The following HECW1 variants were observed in gnomAD, a reference collection of about 807,000 sequenced individuals.
HECW1 encodes E3 ubiquitin-protein ligase HECW1.
HECW1 carries 61 observed loss-of-function variants against 182.3 expected under a neutral mutation model. That is an observed-to-expected ratio of 0.33 (90% CI 0.27 to 0.41). The LOEUF (loss-of-function observed/expected upper bound fraction) is 0.41. Ranked by LOEUF, HECW1 falls within the 10% of genes least tolerant of loss-of-function variation. HECW1 has a pLI of 1.00. For synonymous variants in HECW1, 859 were observed against 832.6 expected, an observed-to-expected ratio of 1.03 and a Z score of -0.55; for missense variants, 1,739 against 2,108.9, an observed-to-expected ratio of 0.82 and a Z score of 3.44.
chr7:43,142,145 C>G (rs1261051762), intron 2 of HECW1, among the ~76,000 whole-genome samples: 1 of 152,030 alleles, frequency 6.6e-6, no homozygotes, highest in African/African-American at 2.4e-5. Context: ...GTGTGGGATG[C>G]CTGTTTTTGT....
In HECW1 at chr7:43,508,052, A is replaced by T. The variant is rs749379715; in HGVS notation, c.3787A>T (p.Thr1263Ser). The change falls in exon 23 of 30, where the codon ACC becomes TCC. Residue 1263 changes from threonine to serine, a missense_variant. Thr to Ser is a moderately conservative substitution (Grantham distance 58). Coordinates refer to ENST00000395891, the MANE Select transcript of HECW1 (RefSeq NM_015052.5). The stretch of plus-strand genomic sequence containing the variant: ...TCGCCGGGATCATTTGTTGGAGGGA[A>T]CCTTCAATCAGGTGATGGCCTATTC... ...IIRRDHLLEG[T>S]FNQVMAYSRK... The T allele has an allele frequency of 2.5e-6, 4 of 1,613,810 alleles. No individual in the cohort carries two copies. The African/African-American group carries it at 5.3e-5, about 22-fold the overall frequency.
rs752553519 is a variant in HECW1, at chr7:43,442,522, C to T, written c.945-7C>T. ...CCAGAACTGTGATGGTGCTTATTTC[C>T]TTCTAGGGATAGGGTGGTCAGCTAC... On this transcript the variant is annotated splice_polypyrimidine_tract_variant and splice_region_variant and intron_variant, in intron 9 of 29. Coordinates refer to ENST00000395891, the MANE Select transcript of HECW1 (RefSeq NM_015052.5). 6.2e-6 allele frequency: 10 copies of T among 1,602,306 alleles called. No homozygotes were observed. The highest frequency in any genetic ancestry group is 7.7e-6 in the Non-Finnish European group (9 of 1,169,834).
chr7:43,190,293 T>C (rs1793790566), intron 2 of HECW1, among the ~76,000 whole-genome samples: 1 of 152,166 alleles, frequency 6.6e-6, no homozygotes, highest in Non-Finnish European at 1.5e-5. Context: ...TTTGTGTTTT[T>C]AGTAGAGATG....
At chr7:43,402,301 C>G (rs1424410980) in intron 7 of HECW1, among the ~76,000 whole-genome samples, 1 of 152,164 alleles carries the variant, frequency 6.6e-6, no homozygotes, top group Non-Finnish European at 1.5e-5. Context: ...AGACACCCTC[C>G]CCTAGATGCT....
intron 2 of HECW1, among the ~76,000 whole-genome samples, chr7:43,205,325 G>A (rs1036240649): frequency 2.0e-5 from 3 of 152,024 alleles, no homozygotes; most frequent in African/African-American, 2.4e-5. Context: ...CGTCATGATC[G>A]GCCCGCCTTG....
intron 3 of HECW1, among the ~76,000 whole-genome samples, chr7:43,254,107 C>T (rs1473386494): frequency 6.6e-6 from 1 of 152,126 alleles, no homozygotes; most frequent in East Asian, 1.9e-4. Context: ...GGAAATTTTC[C>T]AGGCAAATCT....
chr7:43,280,854 T>G (rs1803805742), intron 3 of HECW1, among the ~76,000 whole-genome samples: 1 of 152,056 alleles, frequency 6.6e-6, no homozygotes, highest in South Asian at 2.1e-4. Flanking sequence ...TAGGAGCAAA[T>G]GGGTTTGAGG....
chr7:43,460,779 G>A (rs1441594697), intron 13 of HECW1, among the ~76,000 whole-genome samples: 3 of 152,160 alleles, frequency 2.0e-5, no homozygotes, highest in Non-Finnish European at 4.4e-5. Context: ...GAAAGACTGA[G>A]AGACCCTCCT....
intron 3 of HECW1, among the ~76,000 whole-genome samples, chr7:43,260,398 G>A (rs1487738224): frequency 6.6e-6 from 1 of 152,158 alleles, no homozygotes; most frequent in East Asian, 1.9e-4. Context: ...AAAGTGGCAA[G>A]ATAGGTGCAA....
intron 2 of HECW1, among the ~76,000 whole-genome samples, chr7:43,211,385 C>A (rs753008356): frequency 6.6e-6 from 1 of 152,188 alleles, no homozygotes; most frequent in East Asian, 1.9e-4. Flanking sequence ...ATGAATGAAA[C>A]GGTTCTGTAA....
chr7:43,330,974 T>C (rs1811391463), intron 5 of HECW1, among the ~76,000 whole-genome samples: 2 of 152,016 alleles, frequency 1.3e-5, no homozygotes, highest in Admixed American at 1.3e-4. Context: ...TTTATTTATT[T>C]ATTTATTTAT....
At chr7:43,306,243 A>G (rs1423012897) in intron 3 of HECW1, among the ~76,000 whole-genome samples, 1 of 152,194 alleles carries the variant, frequency 6.6e-6, no homozygotes, top group East Asian at 1.9e-4. Context: ...GCATAGAGCA[A>G]ATGCTCAGAA....
intron 6 of HECW1, among the ~76,000 whole-genome samples, chr7:43,384,009 G>C (rs1181811932): frequency 3.3e-5 from 5 of 152,052 alleles, no homozygotes; most frequent in African/African-American, 1.2e-4. Flanking sequence ...GTAGACTGAG[G>C]AGGAGGAGGA....
intron 8 of HECW1, among the ~76,000 whole-genome samples, chr7:43,434,084 T>G (rs567616627): frequency 6.6e-6 from 1 of 152,342 alleles, no homozygotes; most frequent in East Asian, 1.9e-4. Context: ...GTTCACAAAT[T>G]TATCTTTTAA....
intron 3 of HECW1, among the ~76,000 whole-genome samples, chr7:43,302,955 G>A (rs917816717): frequency 7.3e-5 from 11 of 151,118 alleles, no homozygotes; most frequent in South Asian, 2.1e-4. Context: ...ACACATGCGC[G>A]CACACACACA....
At position 43,225,072 on chromosome 7, in the gene HECW1, G is replaced by C. The variant is rs146171239; in HGVS notation, c.-31-18803G>C. ...CAGGTAAATCCTGTAGCAAAGGTGT[G>C]GGGGAAGATGACAGGTGACACATTG... On this transcript the variant is annotated intron_variant, in intron 2 of 29. Coordinates refer to ENST00000395891, the MANE Select transcript of HECW1 (RefSeq NM_015052.5). 5.8e-3 allele frequency among the ~76,000 whole-genome samples: 890 copies of C among 152,274 alleles called. 3 individuals are homozygous for C. The highest frequency in any genetic ancestry group is 9.8e-3 in the Non-Finnish European group (664 of 68,026).
chr7:43,173,834 T>C (rs984958565), intron 2 of HECW1, among the ~76,000 whole-genome samples: 5 of 145,974 alleles, frequency 3.4e-5, no homozygotes, highest in African/African-American at 1.3e-4. Context: ...CAGGTGCCTG[T>C]TGTTTTAAAT....
chr7:43,159,225 G>A (rs1790233973), intron 2 of HECW1, among the ~76,000 whole-genome samples: 4 of 149,424 alleles, frequency 2.7e-5, no homozygotes, highest in African/African-American at 9.9e-5. Flanking sequence ...GGGTACATGT[G>A]CACAATGTGC....
intron 3 of HECW1, among the ~76,000 whole-genome samples, chr7:43,256,378 G>A (rs1330183367): frequency 1.3e-5 from 2 of 152,142 alleles, no homozygotes; most frequent in Non-Finnish European, 2.9e-5. Flanking sequence ...GGGAGGCCAA[G>A]GCAGATGGAT....
Sources: gnomAD v4.1 joint callset for allele counts (sites outside exome capture counted in the v4.1 genomes callset) on GRCh38, gnomAD v4.1.1 for gene constraint, MANE v1.5 for transcripts, NCBI Gene and HGNC (gene_info 2026-07-23, HGNC 2026-07-21) for gene names.